PHTF2: variants seen among roughly 807,000 people sequenced by gnomAD.
PHTF2 encodes protein PHTF2.
A neutral mutation model predicts 101.2 loss-of-function variants in PHTF2; 60 were observed. The ratio of observed to expected loss-of-function variants is 0.59; its 90% CI spans 0.48 to 0.73. The LOEUF (loss-of-function observed/expected upper bound fraction) is 0.73. Among genes scored for constraint, PHTF2 ranks in the 30% least tolerant of loss-of-function variants. The probability of loss-of-function intolerance (pLI) is 0.00; values close to 1 mark genes in which losing one functional copy is unlikely to be tolerated. For synonymous variants in PHTF2, 311 were observed against 307.3 expected (o/e 1.01, Z -0.13); for missense variants, 747 against 908.7 (o/e 0.82, Z 2.29).
At chr7:77,900,370 A>T (rs963812869) in intron 5 of PHTF2, among the ~76,000 whole-genome samples, 1 of 152,170 alleles carries the variant, frequency 6.6e-6, no homozygotes, top group African/African-American at 2.4e-5. Context: ...GCTAGCCTCA[A>T]CGCTCTCCAA....
chr7:77,878,649 G>A (rs542696369), intron 3 of PHTF2, among the ~76,000 whole-genome samples: 111 of 152,214 alleles, frequency 7.3e-4, no homozygotes, highest in Admixed American at 2.7e-3. Flanking sequence ...AAGTTAGCTT[G>A]GCTACTCCCA....
At chr7:77,847,036 A>G (rs1796358867) in intron 2 of PHTF2, among the ~76,000 whole-genome samples, 2 of 152,198 alleles carry the variant, frequency 1.3e-5, no homozygotes, top group Admixed American at 1.3e-4. Flanking sequence ...GCTTTTTAGG[A>G]CTTTATGAAC....
intron 16 of PHTF2, among the ~76,000 whole-genome samples, chr7:77,944,586 C>T (rs1805892972): frequency 1.3e-5 from 2 of 152,156 alleles, no homozygotes; most frequent in South Asian, 4.1e-4. Flanking sequence ...TGGAGGCATG[C>T]GACTTCAGCC....
At chr7:77,870,187 A>G (rs537299186) in intron 3 of PHTF2, among the ~76,000 whole-genome samples, 2 of 148,798 alleles carry the variant, frequency 1.3e-5, no homozygotes, top group Non-Finnish European at 3.0e-5. Flanking sequence ...TGTTTCTCCA[A>G]TGTTTTCTTC....
At chr7:77,907,720 T>C (rs562463870) in intron 7 of PHTF2, 4 of 152,340 alleles carry the variant, frequency 2.6e-5, no homozygotes, top group African/African-American at 9.6e-5. Flanking sequence ...GTTAAGTAAA[T>C]TATATACATT....
chr7:77,829,365 A>G (rs1794915124), intron 1 of PHTF2, among the ~76,000 whole-genome samples: 1 of 152,196 alleles, frequency 6.6e-6, no homozygotes. Context: ...TAAAAATTAC[A>G]AATATTCTTT....
chr7:77,909,736 A>C (rs371020872), intron 8 of PHTF2: 1 of 152,874 alleles, frequency 6.5e-6, no homozygotes, highest in Non-Finnish European at 1.5e-5. Flanking sequence ...TCACTGGCCA[A>C]TCAGCACACT....
intron 1 of PHTF2, among the ~76,000 whole-genome samples, chr7:77,831,067 A>G (rs1333422181): frequency 1.3e-5 from 2 of 152,226 alleles, no homozygotes; most frequent in African/African-American, 4.8e-5. Context: ...CAAGAGTCCC[A>G]CTTAAATTAT....
At chr7:77,835,223 G>A (rs1352794299) in intron 1 of PHTF2, among the ~76,000 whole-genome samples, 8 of 141,432 alleles carry the variant, frequency 5.7e-5, no homozygotes, top group Admixed American at 3.6e-4. Context: ...GCAGTGAGCC[G>A]AGATCACACC....
At chr7:77,868,338 T>A (rs1276108354) in intron 3 of PHTF2, among the ~76,000 whole-genome samples, 2 of 143,528 alleles carry the variant, frequency 1.4e-5, no homozygotes, top group African/African-American at 5.1e-5. Context: ...TTTTTTTTTT[T>A]TTTTTTTTTT....
chr7:77,813,356 G>T (rs1220516976), intron 1 of PHTF2, among the ~76,000 whole-genome samples: 1 of 152,190 alleles, frequency 6.6e-6, no homozygotes, highest in East Asian at 1.9e-4. Context: ...AATCAGCTGT[G>T]CTTTATACTA....
chr7:77,807,547 A>G (rs1172713621), intron 1 of PHTF2, among the ~76,000 whole-genome samples: 1 of 152,102 alleles, frequency 6.6e-6, no homozygotes, highest in African/African-American at 2.4e-5. Flanking sequence ...AAATCAGGTT[A>G]TTTGATTTTT....
chr7:77,876,786 G>A (rs980097927), intron 3 of PHTF2, among the ~76,000 whole-genome samples: 3 of 152,204 alleles, frequency 2.0e-5, no homozygotes, highest in African/African-American at 7.2e-5. Flanking sequence ...CACACCTGCA[G>A]TTGCAGCTAC....
intron 2 of PHTF2, among the ~76,000 whole-genome samples, chr7:77,851,852 A>G (rs960780367): frequency 6.6e-6 from 1 of 152,144 alleles, no homozygotes; most frequent in East Asian, 1.9e-4. Flanking sequence ...ATTAAAGAGG[A>G]TTAAACTTTC....
intron 3 of PHTF2, among the ~76,000 whole-genome samples, chr7:77,858,256 A>G (rs1584505534): frequency 6.6e-6 from 1 of 152,094 alleles, no homozygotes; most frequent in Non-Finnish European, 1.5e-5. Flanking sequence ...GAAGTTCTTA[A>G]TTTTCCTCCT....
intron 3 of PHTF2, among the ~76,000 whole-genome samples, chr7:77,873,518 G>T (rs1798694455): frequency 6.6e-6 from 1 of 152,144 alleles, no homozygotes; most frequent in East Asian, 1.9e-4. Context: ...GCAAACAGGG[G>T]TGTGAGAGGT....
chr7:77,811,101 C>T (rs1793404711), intron 1 of PHTF2, among the ~76,000 whole-genome samples: 2 of 151,756 alleles, frequency 1.3e-5, no homozygotes, highest in Admixed American at 1.3e-4. Flanking sequence ...AGGGTTTCAC[C>T]ATGTTGGCCA....
At chr7:77,955,466 A>G (rs1446857132) in exon 20 of PHTF2, 1 of 152,554 alleles carries the variant, frequency 6.6e-6, no homozygotes, top group East Asian at 1.9e-4. Flanking sequence ...AAAACTTGTA[A>G]TAGAGCAATA....
chr7:77,902,682 T>TTGGTTCATGTCCTTTCA (rs1801506051), intron 7 of PHTF2, among the ~76,000 whole-genome samples: 1 of 152,200 alleles, frequency 6.6e-6, no homozygotes, highest in South Asian at 2.1e-4. Flanking sequence ...TTATTTTCAT[T>TTGGTTCATGTCCTTTCA]TGGTTCATGT....
Sources: gnomAD v4.1 joint callset for allele counts (sites outside exome capture counted in the v4.1 genomes callset) on GRCh38, gnomAD v4.1.1 for gene constraint, MANE v1.5 for transcripts, NCBI Gene and HGNC (gene_info 2026-07-23, HGNC 2026-07-21) for gene names.